Variants in PREPL observed in about 807,000 individuals in gnomAD.
The protein encoded by PREPL is prolyl endopeptidase-like.
Under a neutral mutation model 70.6 loss-of-function variants are expected in PREPL, and 77 were observed. That is an observed-to-expected ratio of 1.09 (90% CI 0.91 to 1.32). The LOEUF (loss-of-function observed/expected upper bound fraction) is 1.32, where lower values mean the gene tolerates loss of function less well. Among genes scored for constraint, PREPL ranks in the 40% most tolerant of loss-of-function variants. The probability of loss-of-function intolerance (pLI) is 0.00; values close to 1 mark genes in which losing one functional copy is unlikely to be tolerated. For missense variants in PREPL, 1,002 were observed against 778.2 expected (o/e 1.29, Z -3.42); for synonymous variants, 315 against 264.8 (o/e 1.19, Z -1.84).
intron 1 of PREPL, among the ~76,000 whole-genome samples, chr2:44,356,035 C>G (rs898386882): frequency 5.9e-5 from 9 of 152,126 alleles, no homozygotes; most frequent in African/African-American, 2.2e-4. Flanking sequence ...ATATCACTGG[C>G]TGGCTTGTAA....
chr2:44,321,646 T>A, intron 13 of PREPL, 181 bp downstream of exon 13: 1 of 1,514,284 alleles, frequency 6.6e-7, no homozygotes, highest in East Asian at 2.4e-5. Context: ...ACGTATCAAG[T>A]ACAAGAGAGA....
At chr2:44,339,086 G>A (rs1386145681) in intron 6 of PREPL, 61 bp downstream of exon 6, 2 of 1,590,084 alleles carry the variant, frequency 1.3e-6, no homozygotes, top group African/African-American at 2.7e-5. Flanking sequence ...AAGAAATGTT[G>A]TTGATCGAAG....
chr2:44,320,168 C>T lies in PREPL; in HGVS notation c.*1188G>A. 2 of 1,530,162 alleles carry T rather than the reference C, an allele frequency of 1.3e-6. No individual in the cohort carries two copies. The highest frequency in any genetic ancestry group is 2.3e-5 in the South Asian group (2 of 88,252). 94.8% of individuals were successfully genotyped at this position (1,530,162 alleles called of 1,614,324 possible). On this transcript the variant is annotated 3_prime_UTR_variant, in exon 14 of 14. Transcript: ENST00000409411. Reference sequence around the variant, plus strand: ...CTTACAAACAATTCTTAGAATCAAACACTTACGTAAATACTTTTTTAAAAA... The same window carrying T: ...CTTACAAACAATTCTTAGAATCAAATACTTACGTAAATACTTTTTTAAAAA...
At chr2:44,358,411 A>G (rs1249907566) in intron 1 of PREPL, among the ~76,000 whole-genome samples, 1 of 152,230 alleles carries the variant, frequency 6.6e-6, no homozygotes, top group Non-Finnish European at 1.5e-5. Context: ...AAATAAAAAA[A>G]ATATTAAAAT....
intron 1 of PREPL, among the ~76,000 whole-genome samples, chr2:44,354,674 A>T (rs574803674): frequency 3.9e-4 from 59 of 152,128 alleles, no homozygotes; most frequent in African/African-American, 1.4e-3. Context: ...TCCCGGGTTC[A>T]AGTGATTCTC....
Position 44,321,343 on chromosome 2 carries a change from T to G in PREPL, c.*13A>C. The stretch of plus-strand genomic sequence containing the variant: ...TTTCAGTGTGTTTCCAATTCCCAGT[T>G]GAATGCAGTGTTTCAGAATTTCAGG... On this transcript the variant is annotated 3_prime_UTR_variant, in exon 14 of 14. Coordinates refer to ENST00000409411, the MANE Select transcript of PREPL (RefSeq NM_001171613.2). The G allele has an allele frequency of 6.3e-7, 1 of 1,582,108 alleles. No homozygotes were observed. Among genetic ancestry groups the G allele is most frequent in the Non-Finnish European group, 8.7e-7 (1 of 1,151,974 alleles).
In PREPL at chr2:44,332,479, G is replaced by A. The variant is rs201468991; in HGVS notation, c.1066C>T (p.Arg356Cys). ...CCTACCTTGCTTTTGGCTTCTAGACGTAAAACGCGACTAGTCTTTGTGATT... is the reference window on the plus strand; with the variant it reads ...CCTACCTTGCTTTTGGCTTCTAGACATAAAACGCGACTAGTCTTTGTGATT... ...DPITKTSRVL[R>C]LEAKSKDGKL... The change falls in exon 8 of 14, where the codon CGT becomes TGT. Residue 356 changes from arginine (R) to cysteine (C), a missense_variant. Coordinates refer to ENST00000409411, the MANE Select transcript of PREPL (RefSeq NM_001171613.2). The A allele has an allele frequency of 2.0e-5, 33 of 1,613,794 alleles. No homozygotes were observed. Among genetic ancestry groups the A allele is most frequent in the Middle Eastern group, 1.6e-4 (1 of 6,084 alleles).
Position 44,344,941 on chromosome 2 carries a change from C to T in PREPL, c.76-355G>A, listed in dbSNP as rs191757758. Among the ~76,000 whole-genome samples, 18 of 152,282 alleles carry T rather than the reference C, an allele frequency of 1.2e-4. No homozygotes were observed. The East Asian group carries it at 1.4e-3, about 11-fold the overall frequency. On this transcript the variant is annotated intron_variant, in intron 2 of 13. Coordinates refer to ENST00000409411, the MANE Select transcript of PREPL (RefSeq NM_001171613.2). The stretch of plus-strand genomic sequence containing the variant: ...TCAATTAACAGAAATCAAGTGGCAT[C>T]TTTAAGACAATCCAAAATGATGCAG...
chr2:44,321,370 A>G lies in PREPL; in HGVS notation c.1903T>C (p.Tyr635His). 6.2e-7 allele frequency: 1 copy of G among 1,607,610 alleles called. No homozygotes were observed. The highest frequency in any genetic ancestry group is 2.2e-5 in the East Asian group (1 of 44,816). ...AATGCAGTGTTTCAGAATTTCAGGT[A>G]TTTCTTAAGATCCTCGAAAACACTG... ...STSVFEDLKKYLKF is the reference protein window; with the variant it reads ...STSVFEDLKKHLKF Residue 635 changes from tyrosine (Y) to histidine (H), a missense_variant, in exon 14 of 14, where the codon TAC becomes CAC. By Grantham distance (83) the Tyr-to-His change is moderately conservative. Coordinates refer to ENST00000409411, the MANE Select transcript of PREPL (RefSeq NM_001171613.2).
rs750580810 is a variant in PREPL, at chr2:44,339,313, T to C, written c.536A>G (p.Asn179Ser). 3 of 1,613,988 alleles carry C rather than the reference T, an allele frequency of 1.9e-6. No individual in the cohort carries two copies. In the East Asian group the frequency reaches 6.7e-5, roughly 36 times the overall value. Residue 179 changes from asparagine to serine, a missense_variant, in exon 6 of 14, where the codon AAT (asparagine) becomes AGT (serine). By Grantham distance (46) the Asn-to-Ser change is conservative. Coordinates refer to ENST00000409411, the MANE Select transcript of PREPL (RefSeq NM_001171613.2). ...LTKDSRFLTI[N>S]IMNKTTSEVW... Reference sequence around the variant, plus strand: ...TTCAGAAGTAGTCTTGTTCATAATATTTATGGTGAGGAAACGACTGTCTTT... The same window carrying C: ...TTCAGAAGTAGTCTTGTTCATAATACTTATGGTGAGGAAACGACTGTCTTT...
chr2:44,347,698 C>T (rs1675978801), intron 1 of PREPL, among the ~76,000 whole-genome samples: 1 of 152,282 alleles, frequency 6.6e-6, no homozygotes. Flanking sequence ...CAGCTCTCTG[C>T]CAAAGATGAC....
At chr2:44,358,952 G>A (rs1381039039) in intron 1 of PREPL, among the ~76,000 whole-genome samples, 2 of 151,840 alleles carry the variant, frequency 1.3e-5, no homozygotes, top group Non-Finnish European at 1.5e-5. Context: ...TTAGAAGGCC[G>A]AATTATACTT....
intron 4 of PREPL, among the ~76,000 whole-genome samples, chr2:44,342,805 G>A (rs1020697570): frequency 6.6e-6 from 1 of 152,106 alleles, no homozygotes; most frequent in South Asian, 2.1e-4. Flanking sequence ...TTCTAAATAA[G>A]AGCTAAATGC....
Position 44,318,666 on chromosome 2 carries a change from G to C in PREPL, c.*2690C>G, listed in dbSNP as rs998555465. Reference sequence around the variant, plus strand: ...AAAAACAAAAGAACATATAGTGCCTGTCTCTGAGGGGAACTGTGAAGCTAT... The same window carrying C: ...AAAAACAAAAGAACATATAGTGCCTCTCTCTGAGGGGAACTGTGAAGCTAT... On this transcript the variant is annotated 3_prime_UTR_variant, in exon 14 of 14. Coordinates refer to ENST00000409411, the MANE Select transcript of PREPL (RefSeq NM_001171613.2). The C allele has an allele frequency of 1.3e-5, 2 of 151,574 alleles. No homozygotes were observed. The highest frequency in any genetic ancestry group is 2.9e-5 in the Non-Finnish European group (2 of 67,834). The allele number at this position is 151,574 out of a possible 1,614,324, so 9.4% of individuals were successfully genotyped here.
intron 9 of PREPL, among the ~76,000 whole-genome samples, chr2:44,327,206 C>T (rs1271038660): frequency 6.6e-6 from 1 of 152,180 alleles, no homozygotes; most frequent in Non-Finnish European, 1.5e-5. Context: ...TTTTGAGTGC[C>T]TGCCCATTTA....
chr2:44,320,408 T>C lies in PREPL; in HGVS notation c.*948A>G. The C allele has an allele frequency of 1.2e-6, 2 of 1,614,102 alleles. No individual in the cohort carries two copies. The highest frequency in any genetic ancestry group is 1.7e-6 in the Non-Finnish European group (2 of 1,179,932). On this transcript the variant is annotated 3_prime_UTR_variant, in exon 14 of 14. Transcript: ENST00000409411. ...AATCAACACTGTTAAATCTACATAA[T>C]ATGATTTCGGGCCTTCCCGCTAAAA...
chr2:44,338,599 A>AT, intron 6 of PREPL, 63 bp from the exon 7 acceptor site: 3 of 1,342,390 alleles, frequency 2.2e-6, no homozygotes, highest in African/African-American at 1.5e-5. Flanking sequence ...GCATCCAGAG[A>AT]TGCAATCACT....
chr2:44,329,718 G>A (rs1187816831), intron 8 of PREPL, among the ~76,000 whole-genome samples: 1 of 151,922 alleles, frequency 6.6e-6, no homozygotes, highest in Non-Finnish European at 1.5e-5. Context: ...TTCTTTGTAG[G>A]GTTAAAGTAA....
intron 1 of PREPL, among the ~76,000 whole-genome samples, chr2:44,349,444 A>G (rs1275164713): frequency 1.3e-5 from 2 of 152,148 alleles, no homozygotes; most frequent in Non-Finnish European, 2.9e-5. Context: ...TAAATAATAA[A>G]TAATACATTG....
Sources: gnomAD v4.1 joint callset for allele counts (sites outside exome capture counted in the v4.1 genomes callset) on GRCh38, gnomAD v4.1.1 for gene constraint, MANE v1.5 for transcripts, NCBI Gene and HGNC (gene_info 2026-07-23, HGNC 2026-07-21) for gene names.